Variants in SPAG16 observed in about 807,000 individuals in gnomAD.
SPAG16 encodes sperm associated antigen 16, also known as sperm-associated antigen 16 protein.
Under a neutral mutation model 80.4 loss-of-function variants are expected in SPAG16, and 86 were observed. The ratio of observed to expected loss-of-function variants is 1.07; its 90% CI spans 0.90 to 1.28. The LOEUF is 1.28. Ranked by LOEUF, SPAG16 falls within the 50% of genes most tolerant of loss-of-function variation. SPAG16 has a pLI of 0.00. For missense variants in SPAG16, 870 were observed against 765.3 expected (o/e 1.14, Z -1.61); for synonymous variants, 294 against 265.9 (o/e 1.11, Z -1.03).
intron 11 of SPAG16, among the ~76,000 whole-genome samples, chr2:213,913,020 G>A (rs1423973916): frequency 6.6e-6 from 1 of 151,828 alleles, no homozygotes; most frequent in African/African-American, 2.4e-5. Context: ...ATTTTGAATG[G>A]CACTATCTGT....
chr2:213,369,148 A>G (rs1230247003), intron 8 of SPAG16, among the ~76,000 whole-genome samples: 1 of 152,216 alleles, frequency 6.6e-6, no homozygotes, highest in Non-Finnish European at 1.5e-5. Flanking sequence ...GATAAAATGT[A>G]GACATTTTAA....
At chr2:213,996,261 C>T (rs974518787) in intron 12 of SPAG16, among the ~76,000 whole-genome samples, 1 of 152,120 alleles carries the variant, frequency 6.6e-6, no homozygotes, top group African/African-American at 2.4e-5. Flanking sequence ...GGAATTAATT[C>T]CAAAATACAA....
At chr2:213,464,056 T>C (rs747101838) in intron 9 of SPAG16, among the ~76,000 whole-genome samples, 13 of 152,310 alleles carry the variant, frequency 8.5e-5, no homozygotes, top group Non-Finnish European at 1.8e-4. Flanking sequence ...CCTTGGTTCA[T>C]GGGTTTGGGC....
intron 11 of SPAG16, among the ~76,000 whole-genome samples, chr2:213,874,122 A>G (rs898224162): frequency 2.0e-5 from 3 of 152,130 alleles, no homozygotes; most frequent in African/African-American, 7.2e-5. Flanking sequence ...GCTTTCAGGA[A>G]TGGAAGCTGC....
intron 11 of SPAG16, among the ~76,000 whole-genome samples, chr2:213,912,728 G>T (rs1251911815): frequency 2.0e-5 from 3 of 152,140 alleles, no homozygotes; most frequent in Admixed American, 2.0e-4. Flanking sequence ...GAATGTACCT[G>T]TGTAGGACAG....
At chr2:214,052,176 A>T (rs970730843) in intron 13 of SPAG16, among the ~76,000 whole-genome samples, 3 of 152,216 alleles carry the variant, frequency 2.0e-5, no homozygotes, top group Admixed American at 6.5e-5. Flanking sequence ...CAGCCAATTT[A>T]AAAAGCTTCT....
chr2:213,612,234 A>G (rs2061461480), intron 10 of SPAG16, among the ~76,000 whole-genome samples: 1 of 152,146 alleles, frequency 6.6e-6, no homozygotes, highest in South Asian at 2.1e-4. Flanking sequence ...ATTAGCAAAC[A>G]TGTAGTAAAA....
At chr2:214,042,546 C>T (rs527591076) in intron 13 of SPAG16, among the ~76,000 whole-genome samples, 117 of 152,132 alleles carry the variant, frequency 7.7e-4, no homozygotes, top group African/African-American at 2.6e-3. Flanking sequence ...TATTTGTTTT[C>T]CCCCTATCTC....
rs1695500408 is a variant in SPAG16, at chr2:214,313,856, T to C, written c.1721-96284T>C. On this transcript the variant is annotated intron_variant, in intron 15 of 15. Coordinates refer to ENST00000331683, the MANE Select transcript of SPAG16 (RefSeq NM_024532.5). Reference sequence around the variant, plus strand: ...TTTTGTTTTTAATTTTTAACCGCTTTTTTTCTTCTATACAACTAAACAATG... The same window carrying C: ...TTTTGTTTTTAATTTTTAACCGCTTCTTTTCTTCTATACAACTAAACAATG... 2.0e-5 allele frequency among the ~76,000 whole-genome samples: 3 copies of C among 152,106 alleles called. No individual in the cohort carries two copies. The South Asian group carries it at 6.2e-4, about 32-fold the overall frequency.
At chr2:213,426,781 G>A (rs1420048517) in intron 9 of SPAG16, among the ~76,000 whole-genome samples, 1 of 144,630 alleles carries the variant, frequency 6.9e-6, no homozygotes, top group African/African-American at 2.7e-5. Flanking sequence ...GTGTGTGTGT[G>A]TGTGTATGTT....
intron 10 of SPAG16, among the ~76,000 whole-genome samples, chr2:213,733,623 G>C (rs954737243): frequency 2.6e-5 from 4 of 151,410 alleles, no homozygotes; most frequent in African/African-American, 7.3e-5. Context: ...CTTGTATTTG[G>C]TTTCTAGTTA....
At chr2:213,835,181 G>A (rs1018928547) in intron 10 of SPAG16, among the ~76,000 whole-genome samples, 2 of 152,118 alleles carry the variant, frequency 1.3e-5, no homozygotes, top group Non-Finnish European at 2.9e-5. Flanking sequence ...ATAACTTGCT[G>A]CAAGTCCTAA....
intron 11 of SPAG16, among the ~76,000 whole-genome samples, chr2:213,869,516 C>T (rs1174381494): frequency 6.6e-6 from 1 of 151,206 alleles, no homozygotes; most frequent in African/African-American, 2.4e-5. Flanking sequence ...TTTGACATGC[C>T]TCTGTTAAGT....
intron 10 of SPAG16, among the ~76,000 whole-genome samples, chr2:213,678,113 A>G (rs1185520968): frequency 1.3e-5 from 2 of 152,162 alleles, no homozygotes; most frequent in Admixed American, 6.5e-5. Flanking sequence ...GGACACATTC[A>G]AAGCAGTGTG....
rs1347124483 is a variant in SPAG16 at position 214,354,356 on chromosome 2, A to G, written c.1721-55784A>G. On this transcript the variant is annotated intron_variant, in intron 15 of 15. Transcript: ENST00000331683. ...GGGCTCTGTTCTGTTCCATTGATCT[A>G]TATCTCTGTTTTGGTACCAGTACCA... Among the ~76,000 whole-genome samples the G allele has an allele frequency of 6.6e-5, 10 of 152,154 alleles. No individual in the cohort carries two copies. The East Asian group carries it at 1.9e-3, about 29-fold the overall frequency.
chr2:214,278,975 G>T (rs1035233602), intron 15 of SPAG16, among the ~76,000 whole-genome samples: 3 of 152,086 alleles, frequency 2.0e-5, no homozygotes, highest in Admixed American at 6.6e-5. Context: ...CACCACTGCA[G>T]ATTTTTTATT....
intron 12 of SPAG16, 70 bp downstream of exon 12, chr2:213,930,215 T>A: frequency 2.6e-6 from 1 of 389,396 alleles, no homozygotes; most frequent in Non-Finnish European, 3.7e-6. Context: ...GGTAAAGTTC[T>A]TTTTTTTTTT....
chr2:213,902,662 G>A (rs902094149), intron 11 of SPAG16, among the ~76,000 whole-genome samples: 2 of 151,984 alleles, frequency 1.3e-5, no homozygotes, highest in Non-Finnish European at 2.9e-5. Flanking sequence ...TCTACCCCTG[G>A]CTCCTCCAAA....
In SPAG16 at chr2:214,014,027, C is replaced by A; in HGVS notation, c.1477C>A (p.Leu493Ile). Residue 493 changes from leucine to isoleucine, a missense_variant, in exon 13 of 16, where the codon CTT becomes ATT. Transcript: ENST00000331683. ...TGAGTTTTTTCCTTTCTCCAATACT[C>A]TTCTCACAAGCTCTGCAGACAAGAC... ...SIEFFPFSNT[L>I]LTSSADKTLS... 6.2e-7 allele frequency: 1 copy of A among 1,613,548 alleles called. No individual in the cohort carries two copies. The highest frequency in any genetic ancestry group is 8.5e-7 in the Non-Finnish European group (1 of 1,179,748).
Sources: allele counts gnomAD v4.1 joint callset (sites outside exome capture counted in the v4.1 genomes callset), GRCh38; gene constraint gnomAD v4.1.1; transcripts MANE v1.5; gene names NCBI Gene and HGNC (gene_info 2026-07-23, HGNC 2026-07-21).